Variants in TNNI3K observed in about 807,000 individuals in gnomAD.
TNNI3K encodes serine/threonine-protein kinase TNNI3K.
TNNI3K carries 140 observed loss-of-function variants against 114.5 expected under a neutral mutation model. That is an observed-to-expected ratio of 1.22 (90% confidence interval 1.07 to 1.41). The LOEUF (loss-of-function observed/expected upper bound fraction) is 1.41, where lower values mean the gene tolerates loss of function less well. Ranked by LOEUF, TNNI3K falls within the 40% of genes most tolerant of loss-of-function variation. TNNI3K has a pLI of 0.00. For synonymous variants in TNNI3K, 347 were observed against 347.5 expected (o/e 1.00, Z 0.02); for missense variants, 1,125 against 1,007.6 (o/e 1.12, Z -1.58).
At chr1:74,267,997 G>T (rs1376062019) in intron 4 of TNNI3K, among the ~76,000 whole-genome samples, 2 of 151,846 alleles carry the variant, frequency 1.3e-5, no homozygotes, top group Admixed American at 6.6e-5. Context: ...CTAGTACAGT[G>T]CTTGTCATAA....
At chr1:74,295,266 T>C (rs1030463129) in intron 5 of TNNI3K, among the ~76,000 whole-genome samples, 1 of 152,192 alleles carries the variant, frequency 6.6e-6, no homozygotes, top group African/African-American at 2.4e-5. Flanking sequence ...TGGTGAGGCT[T>C]GCTTTATGAC....
At chr1:74,242,940 C>G (rs775275953) in intron 2 of TNNI3K, among the ~76,000 whole-genome samples, 4 of 151,912 alleles carry the variant, frequency 2.6e-5, no homozygotes, top group Non-Finnish European at 4.4e-5. Context: ...TCCCCCTTAC[C>G]CTTCATCTCT....
At chr1:74,487,707 T>C (rs1366092970) in intron 21 of TNNI3K, among the ~76,000 whole-genome samples, 3 of 152,016 alleles carry the variant, frequency 2.0e-5, no homozygotes, top group Admixed American at 2.0e-4. Flanking sequence ...GATAGGCAGA[T>C]GGGTAGGTAG....
At chr1:74,409,492 C>CTTTTTTTTTTTTTTTTTTTTTTTT (rs540218540) in intron 17 of TNNI3K, among the ~76,000 whole-genome samples, 1 of 124,914 alleles carries the variant, frequency 8.0e-6, no homozygotes, top group Non-Finnish European at 1.7e-5. Context: ...CTATTTGTTT[C>CTTTTTTTTTTTTTTTTTTTTTTTT]TTTTTTTTTT....
chr1:74,264,992 C>T (rs974696169), intron 4 of TNNI3K, among the ~76,000 whole-genome samples: 2 of 151,790 alleles, frequency 1.3e-5, no homozygotes, highest in Non-Finnish European at 2.9e-5. Context: ...AAGGTCAGGG[C>T]TGATACATGA....
At chr1:74,235,612 T>C (rs1031879907) in intron 1 of TNNI3K, 121 bp downstream of exon 1, 2 of 522,516 alleles carry the variant, frequency 3.8e-6, no homozygotes, top group African/African-American at 2.0e-5. Context: ...CAGCATGTTT[T>C]GTGAAAGTCT....
chr1:74,343,629 A>G (rs946316392), intron 9 of TNNI3K, among the ~76,000 whole-genome samples: 5 of 152,154 alleles, frequency 3.3e-5, no homozygotes, highest in African/African-American at 1.2e-4. Context: ...GTGTCTACCT[A>G]TCTAAAACAT....
intron 5 of TNNI3K, among the ~76,000 whole-genome samples, chr1:74,316,926 C>G (rs1294649847): frequency 1.3e-5 from 2 of 151,530 alleles, no homozygotes; most frequent in East Asian, 1.9e-4. Flanking sequence ...GTCTCGATCT[C>G]CTGACCTCGT....
chr1:74,530,190 C>A (rs1646562744), intron 23 of TNNI3K, among the ~76,000 whole-genome samples: 1 of 152,146 alleles, frequency 6.6e-6, no homozygotes, highest in Non-Finnish European at 1.5e-5. Context: ...ACACTCATGT[C>A]TGTATTCCTA....
rs1222698507 is a variant in TNNI3K at position 74,316,753 on chromosome 1, G to A, written c.445-14697G>A. Among the ~76,000 whole-genome samples the A allele has an allele frequency of 4.0e-5, 6 of 151,344 alleles. 1 individual carries two copies. The South Asian group carries it at 8.3e-4, about 21-fold the overall frequency. On this transcript the variant is annotated intron_variant, in intron 5 of 24. Coordinates refer to ENST00000326637, the MANE Select transcript of TNNI3K (RefSeq NM_015978.3). Reference sequence around the variant, plus strand: ...CGCCCAGGCTGGAGTGCAGTGGCACGATCTTGGCTCACTGCAAGCTCCACC... The same window carrying A: ...CGCCCAGGCTGGAGTGCAGTGGCACAATCTTGGCTCACTGCAAGCTCCACC...
intron 21 of TNNI3K, chr1:74,470,525 C>T: frequency 2.5e-6 from 1 of 400,644 alleles, no homozygotes; most frequent in Non-Finnish European, 4.4e-6. Flanking sequence ...TTGGGAAGTT[C>T]TATTCTATTT....
At chr1:74,381,250 T>C (rs1354045197) in intron 17 of TNNI3K, among the ~76,000 whole-genome samples, 1 of 152,166 alleles carries the variant, frequency 6.6e-6, no homozygotes, top group Non-Finnish European at 1.5e-5. Flanking sequence ...AGACTAAGCA[T>C]GTTCACATCC....
intron 5 of TNNI3K, among the ~76,000 whole-genome samples, chr1:74,308,063 A>G (rs1195005597): frequency 6.6e-6 from 1 of 151,880 alleles, no homozygotes; most frequent in African/African-American, 2.4e-5. Flanking sequence ...TAGTAATAAT[A>G]GTGGAGGACT....
intron 5 of TNNI3K, among the ~76,000 whole-genome samples, chr1:74,330,487 T>G (rs2100409871): frequency 6.6e-6 from 1 of 152,282 alleles, no homozygotes. Context: ...CAAAGTTATT[T>G]TTCTTTGTCT....
At position 74,539,126 on chromosome 1, in the gene TNNI3K, G is replaced by A. The variant is rs546883874; in HGVS notation, c.2352-1108G>A. On this transcript the variant is annotated intron_variant, in intron 23 of 24. Transcript: ENST00000326637. The stretch of plus-strand genomic sequence containing the variant: ...CAAAAGCCCAAAGAGGAAAAGATTC[G>A]TCTAGGCCTTGAGGCTGGAGAGAGA... Among the ~76,000 whole-genome samples the A allele has an allele frequency of 3.4e-3, 512 of 152,284 alleles. 2 individuals are homozygous for A. Among genetic ancestry groups the A allele is most frequent in the Non-Finnish European group, 4.1e-3 (280 of 68,020 alleles).
intron 4 of TNNI3K, among the ~76,000 whole-genome samples, chr1:74,251,308 G>C (rs1166122981): frequency 6.6e-6 from 1 of 151,806 alleles, no homozygotes; most frequent in Admixed American, 6.6e-5. Context: ...GGACAAACTG[G>C]GATACTTAGT....
chr1:74,293,395 T>C (rs1388478579), intron 5 of TNNI3K, among the ~76,000 whole-genome samples: 2 of 151,764 alleles, frequency 1.3e-5, no homozygotes, highest in African/African-American at 4.8e-5. Context: ...AGCATATGAA[T>C]GTAATAATCT....
chr1:74,242,296 G>GA (rs1654284880), intron 2 of TNNI3K, among the ~76,000 whole-genome samples: 1 of 152,100 alleles, frequency 6.6e-6, no homozygotes, highest in African/African-American at 2.4e-5. Flanking sequence ...GTGGTCAAAA[G>GA]AATGCTCTGT....
At chr1:74,406,473 T>A (rs1349383083) in intron 17 of TNNI3K, among the ~76,000 whole-genome samples, 3 of 152,128 alleles carry the variant, frequency 2.0e-5, no homozygotes, top group African/African-American at 4.8e-5. Flanking sequence ...GGCCCCTGCA[T>A]TTTACAGTCA....
Sources: gnomAD v4.1 joint callset for allele counts (sites outside exome capture counted in the v4.1 genomes callset) on GRCh38, gnomAD v4.1.1 for gene constraint, MANE v1.5 for transcripts, NCBI Gene and HGNC (gene_info 2026-07-23, HGNC 2026-07-21) for gene names.